Variants in HYDIN observed in about 807,000 individuals in gnomAD.
HYDIN encodes the protein HYDIN axonemal central pair apparatus protein.
Under a neutral mutation model 403.9 loss-of-function variants are expected in HYDIN, and 132 were observed. The ratio of observed to expected loss-of-function variants is 0.33; its 90% CI spans 0.28 to 0.38. The LOEUF (loss-of-function observed/expected upper bound fraction) is 0.38, where lower values mean the gene tolerates loss of function less well. Among genes scored for constraint, HYDIN ranks in the 10% least tolerant of loss-of-function variants. The pLI, the probability that HYDIN is intolerant of heterozygous loss-of-function variation, is 1.00. For synonymous variants in HYDIN, 1,202 were observed against 1,891.7 expected (o/e 0.64, Z 9.46); for missense variants, 2,827 against 5,009.5 (o/e 0.56, Z 13.15).
intron 7 of HYDIN, among the ~76,000 whole-genome samples, chr16:71,149,714 G>T (rs987365914): frequency 2.0e-5 from 3 of 152,100 alleles, no homozygotes; most frequent in Admixed American, 6.6e-5. Context: ...TTTTAGTACA[G>T]ACATGGTTTC....
In HYDIN at chr16:70,879,313, C is replaced by T. The variant is rs368801113; in HGVS notation, c.10541G>A (p.Gly3514Asp). The T allele has an allele frequency of 4.0e-4, 530 of 1,317,742 alleles. 2 individuals are homozygous for T. The African/African-American group carries it at 6.4e-3, about 16-fold the overall frequency. The allele number at this position is 1,317,742 out of a possible 1,614,324, so 81.6% of individuals were successfully genotyped here. ...GAGTATTACCTGGGCAGGGAGGACA[C>T]CATTGTTCTTGAGGATGAGAGGCAG... ...EKLPLILKNNGVLPAQLHVDL... is the reference protein window; with the variant it reads ...EKLPLILKNNDVLPAQLHVDL... Residue 3514 changes from glycine to aspartate, a missense_variant, in exon 62 of 86, where the codon GGT becomes GAT. By Grantham distance (94) the Gly-to-Asp change is moderately conservative. Transcript: ENST00000393567.
intron 47 of HYDIN, among the ~76,000 whole-genome samples, chr16:70,910,526 T>C (rs1397420663): frequency 1.3e-5 from 2 of 152,138 alleles, no homozygotes; most frequent in Non-Finnish European, 2.9e-5. Flanking sequence ...CAATTGTGAA[T>C]TGTGCTGCTA....
At chr16:70,922,498 C>T (rs1426894152) in intron 45 of HYDIN, among the ~76,000 whole-genome samples, 2 of 152,254 alleles carry the variant, frequency 1.3e-5, no homozygotes, top group East Asian at 1.9e-4. Context: ...AACCAGTCAC[C>T]GATGAGGCCA....
chr16:70,855,849 T>C (rs1162222529), intron 72 of HYDIN, among the ~76,000 whole-genome samples: 1 of 152,286 alleles, frequency 6.6e-6, no homozygotes, highest in Non-Finnish European at 1.5e-5. Context: ...GTTGACAGAT[T>C]TAGCAAATAA....
chr16:71,001,029 C>A (rs997226361), intron 23 of HYDIN, among the ~76,000 whole-genome samples: 1 of 143,034 alleles, frequency 7.0e-6, no homozygotes, highest in Non-Finnish European at 1.5e-5. Context: ...TCTGCAGGGG[C>A]AGTTTCAGTC....
intron 8 of HYDIN, among the ~76,000 whole-genome samples, chr16:71,130,909 C>T (rs1423009177): frequency 6.8e-6 from 1 of 147,362 alleles, no homozygotes; most frequent in Non-Finnish European, 1.5e-5. Context: ...TAATATCCAT[C>T]GTGATAAGAG....
At chr16:70,901,765 T>C (rs2076386259) in intron 52 of HYDIN, among the ~76,000 whole-genome samples, 1 of 152,036 alleles carries the variant, frequency 6.6e-6, no homozygotes, top group African/African-American at 2.4e-5. Context: ...TTTGTATTTT[T>C]AGTACAGACG....
intron 3 of HYDIN, among the ~76,000 whole-genome samples, chr16:71,183,780 A>G (rs2087009741): frequency 6.6e-6 from 1 of 152,160 alleles, no homozygotes; most frequent in African/African-American, 2.4e-5. Context: ...TCTAAGAGAT[A>G]AATGATTAAA....
chr16:70,831,541 A>C (rs1326561676), intron 80 of HYDIN, among the ~76,000 whole-genome samples: 1 of 148,618 alleles, frequency 6.7e-6, no homozygotes, highest in African/African-American at 2.5e-5. Context: ...AAAAAAAAAA[A>C]AACAAGAAAC....
At chr16:71,201,559 C>T (rs911191386) in intron 1 of HYDIN, among the ~76,000 whole-genome samples, 1 of 152,174 alleles carries the variant, frequency 6.6e-6, no homozygotes, top group African/African-American at 2.4e-5. Context: ...GCCAAGCCCA[C>T]CAAAGCCAAT....
intron 18 of HYDIN, among the ~76,000 whole-genome samples, chr16:71,054,223 AAG>A (rs2081780309): frequency 6.6e-6 from 1 of 152,304 alleles, no homozygotes; most frequent in Admixed American, 6.5e-5. Flanking sequence ...CAGAAACAAA[AAG>A]AATATAAAGA....
chr16:71,000,125 A>C (rs1211606793), intron 23 of HYDIN, among the ~76,000 whole-genome samples: 1 of 151,812 alleles, frequency 6.6e-6, no homozygotes, highest in Non-Finnish European at 1.5e-5. Context: ...AATTAATATG[A>C]ACATGTAGAC....
chr16:71,134,820 T>C (rs1459474274), intron 8 of HYDIN, among the ~76,000 whole-genome samples: 1 of 152,226 alleles, frequency 6.6e-6, no homozygotes, highest in African/African-American at 2.4e-5. Flanking sequence ...CTTATTATTA[T>C]GCTTGGGCTG....
intron 23 of HYDIN, among the ~76,000 whole-genome samples, chr16:70,992,969 C>T (rs571350473): frequency 6.6e-6 from 1 of 152,320 alleles, no homozygotes; most frequent in South Asian, 2.1e-4. Flanking sequence ...CTCTCTGACC[C>T]TCCCCAACCT....
intron 13 of HYDIN, among the ~76,000 whole-genome samples, chr16:71,074,189 C>T (rs2082556899): frequency 6.6e-6 from 1 of 151,644 alleles, no homozygotes; most frequent in Non-Finnish European, 1.5e-5. Flanking sequence ...CTTTTTAAAC[C>T]CCACATAATA....
At chr16:70,906,095 G>A (rs1035957714) in intron 50 of HYDIN, among the ~76,000 whole-genome samples, 2 of 151,260 alleles carry the variant, frequency 1.3e-5, no homozygotes, top group Admixed American at 1.3e-4. Flanking sequence ...TGGAGACCTT[G>A]GTTCCAGTTT....
intron 80 of HYDIN, among the ~76,000 whole-genome samples, chr16:70,832,543 AT>A (rs111753384): frequency 0.027 from 3,792 of 141,170 alleles, 86 homozygotes; most frequent in African/African-American, 0.088. Context: ...TACCAAGGCC[AT>A]TTTTTTTTAA....
At chr16:71,159,844 G>C (rs1302811779) in intron 6 of HYDIN, among the ~76,000 whole-genome samples, 1 of 151,808 alleles carries the variant, frequency 6.6e-6, no homozygotes, top group East Asian at 1.9e-4. Context: ...AAAAATGAAG[G>C]AAAAATAAAC....
At position 70,807,831 on chromosome 16, in the gene HYDIN, T is replaced by C. The variant is rs1195440696; in HGVS notation, c.15115A>G (p.Ile5039Val). Residue 5039 changes from isoleucine (I) to valine (V), a missense_variant, in exon 86 of 86, where the codon ATC becomes GTC. By Grantham distance (29) the Ile-to-Val change is conservative. Transcript: ENST00000393567. ...PFSIRAGYSIIIPFKNVFYHM... is the reference protein window; with the variant it reads ...PFSIRAGYSIVIPFKNVFYHM... ...TAGAAGACATTCTTGAAGGGGATGA[T>C]TATGCTGTACCCGGCTCGGATCGAG... is the stretch of plus-strand genomic sequence containing the variant. 7 of 1,614,182 alleles carry C rather than the reference T, an allele frequency of 4.3e-6. No homozygotes were observed. The Admixed American group carries it at 1.2e-4, about 27-fold the overall frequency.
Sources: allele counts gnomAD v4.1 joint callset (sites outside exome capture counted in the v4.1 genomes callset), GRCh38; gene constraint gnomAD v4.1.1; transcripts MANE v1.5; gene names NCBI Gene and HGNC (gene_info 2026-07-23, HGNC 2026-07-21).